FREM1: variants seen among roughly 807,000 people sequenced by gnomAD.
The protein encoded by FREM1 is FRAS1 related extracellular matrix 1.
In FREM1, 220 loss-of-function variants were observed where a neutral mutation model predicts 210.1. The observed-to-expected ratio is 1.05, with a 90% CI of 0.94 to 1.17. The LOEUF (loss-of-function observed/expected upper bound fraction) is 1.17, where lower values mean the gene tolerates loss of function less well. Ranked by LOEUF, FREM1 falls within the 50% of genes most tolerant of loss-of-function variation. The pLI is 0.00. For synonymous variants in FREM1, 1,189 were observed against 980.2 expected, an observed-to-expected ratio of 1.21 and a Z score of -3.98; for missense variants, 3,454 against 2,675.5, an observed-to-expected ratio of 1.29 and a Z score of -6.42.
chr9:14,804,946 T>C lies in FREM1; in HGVS notation c.3471+10A>G, dbSNP rs756155546. 1.3e-5 allele frequency: 20 copies of C among 1,585,792 alleles called. No homozygotes were observed. The East Asian group carries it at 4.5e-4, about 35-fold the overall frequency. On this transcript the variant is annotated intron_variant, in intron 19 of 36. Transcript: ENST00000380880. ...AAAAGAGAAATGGAACATTTGGATA[T>C]GTTTCTTACAGTAATATTCTGCACT...
chr9:14,841,357 A>G (rs1238279500), intron 10 of FREM1, 90 bp downstream of exon 10: 5 of 1,099,148 alleles, frequency 4.5e-6, no homozygotes, highest in Admixed American at 6.0e-5. Context: ...TAAACCTTGA[A>G]ACCTATTTTC....
At chr9:14,767,925 T>C (rs1473969089) in intron 27 of FREM1, among the ~76,000 whole-genome samples, 6 of 152,092 alleles carry the variant, frequency 3.9e-5, no homozygotes, top group Non-Finnish European at 2.9e-5. Context: ...ACTGGAAACA[T>C]CTCCAGCACA....
chr9:14,871,871 T>C (rs1378519934), intron 1 of FREM1, among the ~76,000 whole-genome samples: 13 of 152,216 alleles, frequency 8.5e-5, no homozygotes, highest in African/African-American at 2.4e-5. Context: ...CAGTTTCAGC[T>C]TTGTACATAT....
chr9:14,806,825 T>C lies in FREM1; in HGVS notation c.3110A>G (p.Glu1037Gly). Reference protein sequence around the residue: ...IAIGPVFVVDEGCSTALTVNH... With the variant: ...IAIGPVFVVDGGCSTALTVNH... ...AACAGTAAGGGCTGTTGAGCAGCCC[T>C]CATCTACAACAAACACGGGACCTGC... Residue 1037 changes from glutamate (E) to glycine (G), a missense_variant, in exon 18 of 37, where the codon GAG becomes GGG. By Grantham distance (98) the Glu-to-Gly change is moderately conservative (BLOSUM62 -2). Coordinates refer to ENST00000380880, the MANE Select transcript of FREM1 (RefSeq NM_001379081.2). 6.2e-7 allele frequency: 1 copy of C among 1,603,242 alleles called. No homozygotes were observed. Among genetic ancestry groups the C allele is most frequent in the Non-Finnish European group, 8.5e-7 (1 of 1,174,114 alleles).
chr9:14,859,211 A>G lies in FREM1; in HGVS notation c.603T>C (p.Asp201=). The change falls in exon 4 of 37, where the codon GAT becomes GAC. Residue 201 remains aspartate, a synonymous_variant. Coordinates refer to ENST00000380880, the MANE Select transcript of FREM1 (RefSeq NM_001379081.2). ...ACTCTGGGAAAAAACTGTGTGGCTG[A>G]TCTCCACGAGGTTCTTCTGGTCGAG... The part of the protein sequence containing the change: ...GEPRPEEPRG[D]QPHSFFPESQ... 6.3e-7 allele frequency: 1 copy of G among 1,596,980 alleles called. No individual in the cohort carries two copies. Among genetic ancestry groups the G allele is most frequent in the Non-Finnish European group, 8.5e-7 (1 of 1,171,252 alleles).
At chr9:14,827,386 G>T (rs192611722) in intron 10 of FREM1, among the ~76,000 whole-genome samples, 1 of 152,212 alleles carries the variant, frequency 6.6e-6, no homozygotes, top group Non-Finnish European at 1.5e-5. Flanking sequence ...AGGCAGAACT[G>T]AGCAGGGATG....
intron 8 of FREM1, 83 bp downstream of exon 8, chr9:14,845,877 G>T: frequency 7.3e-7 from 1 of 1,370,740 alleles, no homozygotes; most frequent in Non-Finnish European, 1.0e-6. Flanking sequence ...CCCAAGAGAT[G>T]CTACATATAT....
At position 14,778,059 on chromosome 9, in the gene FREM1, AT is replaced by A. The variant is rs554964507; in HGVS notation, c.4443-1857del. 2.1e-3 allele frequency among the ~76,000 whole-genome samples: 325 copies of A among 152,312 alleles called. 1 individual carries two copies. The highest frequency in any genetic ancestry group is 7.6e-3 in the African/African-American group (314 of 41,562). ...AAGTGAAATACAACAAATAAAGTAA[AT>A]TTTGACATTTCACACACCTCGACTT... On this transcript the variant is annotated intron_variant, in intron 24 of 36. Transcript: ENST00000380880.
intron 22 of FREM1, among the ~76,000 whole-genome samples, chr9:14,792,089 C>T (rs561238357): frequency 6.6e-5 from 10 of 152,250 alleles, no homozygotes; most frequent in East Asian, 1.9e-4. Context: ...GTGATCCGCC[C>T]ACCTTGGCCT....
At chr9:14,780,474 A>G (rs182683896) in intron 24 of FREM1, among the ~76,000 whole-genome samples, 1,965 of 146,332 alleles carry the variant, frequency 0.013, 17 homozygotes, top group Non-Finnish European at 0.022. Context: ...GTCAAAATGG[A>G]GGACATTAGC....
intron 18 of FREM1, among the ~76,000 whole-genome samples, chr9:14,805,612 T>A (rs1818210537): frequency 6.6e-6 from 1 of 152,220 alleles, no homozygotes; most frequent in African/African-American, 2.4e-5. Context: ...TGAGTGGAAT[T>A]AGCTAACCTG....
chr9:14,864,358 CTTTCA>C lies in FREM1; in HGVS notation c.235-460_235-456del, dbSNP rs1307733123. Among the ~76,000 whole-genome samples the C allele has an allele frequency of 5.3e-5, 8 of 152,244 alleles. No individual in the cohort carries two copies. The East Asian group carries it at 1.2e-3, about 22-fold the overall frequency. ...ATTCTTTCTGTATATCTGTGTTCTCCTTTCATTTCTTTTTTTTTCCGAATAGTATT... is the reference window on the plus strand; with the variant it reads ...ATTCTTTCTGTATATCTGTGTTCTCCTTTCTTTTTTTTTCCGAATAGTATT... On this transcript the variant is annotated intron_variant, in intron 2 of 36. Coordinates refer to ENST00000380880, the MANE Select transcript of FREM1 (RefSeq NM_001379081.2).
intron 14 of FREM1, among the ~76,000 whole-genome samples, chr9:14,818,859 G>T (rs546726928): frequency 6.6e-6 from 1 of 152,272 alleles, no homozygotes; most frequent in East Asian, 1.9e-4. Flanking sequence ...TATGAAATTT[G>T]CTTCTCTGGG....
At chr9:14,756,921 T>G (rs901565465) in intron 28 of FREM1, among the ~76,000 whole-genome samples, 1 of 152,178 alleles carries the variant, frequency 6.6e-6, no homozygotes. Context: ...TCCAGGGCAC[T>G]GAAAGCCTTT....
Position 14,823,173 on chromosome 9 carries a change from T to C in FREM1, c.2324A>G (p.Asn775Ser), listed in dbSNP as rs1588178585. The C allele has an allele frequency of 8.1e-6, 13 of 1,613,726 alleles. No individual in the cohort carries two copies. The highest frequency in any genetic ancestry group is 2.2e-5 in the South Asian group (2 of 91,064). The change falls in exon 13 of 37, where the codon AAT becomes AGT. Residue 775 changes from asparagine to serine, a missense_variant. Transcript: ENST00000380880. ...CATTGTACATACCTCAGGAACTTGA[T>C]TGTCCACTGGGAGGATTGTAATGTT... is the stretch of plus-strand genomic sequence containing the variant. ...CFNITILPVD[N>S]QVPEAFTNPL... is the part of the protein sequence containing the mutation.
rs373537156 is a variant in FREM1 at position 14,788,977 on chromosome 9, A to G, written c.4119T>C (p.Asp1373=). 6.8e-6 allele frequency: 11 copies of G among 1,613,048 alleles called. No individual in the cohort carries two copies. Among genetic ancestry groups the G allele is most frequent in the Non-Finnish European group, 8.5e-6 (10 of 1,179,632 alleles). Residue 1373 remains aspartate (D), a synonymous_variant, in exon 23 of 37, where the codon GAT becomes GAC. Transcript: ENST00000380880. ...NQDSFTFYLW[D]GNNRSPALDC... is the part of the protein sequence containing the mutation. The stretch of plus-strand genomic sequence containing the variant: ...CAAGAGCAGGGGACCTGTTGTTGCC[A>G]TCCCAAAGGTAGAAGGTGAAGCTAT...
intron 19 of FREM1, among the ~76,000 whole-genome samples, chr9:14,803,422 C>T (rs536101479): frequency 1.2e-3 from 171 of 147,966 alleles, no homozygotes; most frequent in Non-Finnish European, 2.2e-3. Context: ...TACAGTGGCT[C>T]AATCATGGCT....
Position 14,823,150 on chromosome 9 carries a change from T to C in FREM1, c.2337+10A>G, listed in dbSNP as rs752645313. On this transcript the variant is annotated intron_variant, in intron 13 of 36. Transcript: ENST00000380880. ...TCCTTTTCATCCTCTATATAGAACA[T>C]TGTACATACCTCAGGAACTTGATTG... is the stretch of plus-strand genomic sequence containing the variant. 7 of 1,609,234 alleles carry C rather than the reference T, an allele frequency of 4.3e-6. No homozygotes were observed. Among genetic ancestry groups the C allele is most frequent in the South Asian group, 2.2e-5 (2 of 90,862 alleles).
At chr9:14,851,659 T>G in intron 5 of FREM1, 52 bp from the exon 6 acceptor site, 621 of 1,179,590 alleles carry the variant, frequency 5.3e-4, no homozygotes, top group Non-Finnish European at 7.3e-4. Flanking sequence ...AATGAGGTGA[T>G]ATCATACAGG....
Sources: allele counts gnomAD v4.1 joint callset (sites outside exome capture counted in the v4.1 genomes callset), GRCh38; gene constraint gnomAD v4.1.1; transcripts MANE v1.5; gene names NCBI Gene and HGNC (gene_info 2026-07-23, HGNC 2026-07-21).